The following CD244 variants were observed in gnomAD, a reference collection of about 807,000 sequenced individuals.
CD244 encodes natural killer cell receptor 2B4.
A neutral mutation model predicts 45.5 loss-of-function variants in CD244; 20 were observed. That is an observed-to-expected ratio of 0.44 (90% CI 0.31 to 0.64). The LOEUF (loss-of-function observed/expected upper bound fraction) is 0.64, where lower values mean the gene tolerates loss of function less well. Ranked by LOEUF, CD244 falls within the 30% of genes least tolerant of loss-of-function variation. The pLI, the probability that CD244 is intolerant of heterozygous loss-of-function variation, is 0.08. For missense variants in CD244, 407 were observed against 426.9 expected (o/e 0.95, Z 0.41); for synonymous variants, 185 against 160.5 (o/e 1.15, Z -1.15).
intron 1 of CD244, among the ~76,000 whole-genome samples, chr1:160,860,474 G>A (rs1243868751): frequency 6.6e-6 from 1 of 152,070 alleles, no homozygotes; most frequent in African/African-American, 2.4e-5. Context: ...ATATTCTTGG[G>A]ACAATTGGTA....
Position 160,841,668 on chromosome 1 carries a change from G to A in CD244, c.295C>T (p.Gln99Ter). The change falls in exon 2 of 9, where the codon CAG becomes TAG. Residue 99 changes from glutamine (Q) to a stop codon, truncating the protein, a stop_gained. Transcript: ENST00000368034. LOFTEE classifies it high-confidence loss of function. ...NLSLLIKAAQ[Q>*]QDSGLYCLEV... ...AGGCAGTAGAGGCCACTGTCCTGCT[G>A]CTGAGCTGCCTTGATGAGAAGACTC... The A allele has an allele frequency of 6.2e-7, 1 of 1,614,178 alleles. No individual in the cohort carries two copies. The highest frequency in any genetic ancestry group is 2.2e-5 in the East Asian group (1 of 44,888).
intron 3 of CD244, 44 bp downstream of exon 3, chr1:160,841,166 T>C (rs1669527547): frequency 6.3e-6 from 10 of 1,597,358 alleles, no homozygotes; most frequent in Non-Finnish European, 8.6e-6. Flanking sequence ...GGTTGCGGGG[T>C]CCAAACCTTC....
At chr1:160,835,168 G>A (rs1669287940) in intron 6 of CD244, among the ~76,000 whole-genome samples, 1 of 151,876 alleles carries the variant, frequency 6.6e-6, no homozygotes, top group African/African-American at 2.4e-5. Flanking sequence ...TGTTTCCCTT[G>A]GGAGAGATGT....
At chr1:160,836,320 G>A (rs1026827799) in intron 5 of CD244, 66 bp from the exon 6 acceptor site, 54 of 1,271,962 alleles carry the variant, frequency 4.2e-5, no homozygotes, top group Admixed American at 7.0e-5. Flanking sequence ...TAGATTGAGT[G>A]GGGAAAAACA....
chr1:160,854,125 G>A (rs1388779361), intron 1 of CD244, among the ~76,000 whole-genome samples: 2 of 152,124 alleles, frequency 1.3e-5, no homozygotes, highest in East Asian at 1.9e-4. Flanking sequence ...TGGGGTGATG[G>A]AACATGAGTT....
chr1:160,832,828 C>A, intron 7 of CD244: 2 of 511,452 alleles, frequency 3.9e-6, no homozygotes, highest in South Asian at 1.6e-5. Context: ...CTGTTCCATA[C>A]CCACATACAC....
chr1:160,831,640 T>TA (rs1451512782), intron 8 of CD244, among the ~76,000 whole-genome samples: 1 of 152,216 alleles, frequency 6.6e-6, no homozygotes, highest in Non-Finnish European at 1.5e-5. Flanking sequence ...CTTAACCACA[T>TA]ATGCTTTTTC....
In CD244 at chr1:160,841,462, G is replaced by A; in HGVS notation, c.403C>T (p.Gln135Ter). The A allele has an allele frequency of 6.2e-7, 1 of 1,614,018 alleles. No homozygotes were observed. ...CTGTCCAGGATCTTCCCCTGCCCCT[G>A]TAGGCGGGGTTTCTCAACTTTATCT... ...VFDKVEKPRL[Q>*]GQGKILDRGR... The change falls in exon 3 of 9, where the codon CAG becomes TAG. Residue 135 changes from glutamine to a stop codon, truncating the protein, a stop_gained. Coordinates refer to ENST00000368034, the MANE Select transcript of CD244 (RefSeq NM_016382.4). LOFTEE classifies it high-confidence loss of function.
In CD244 at chr1:160,862,852, G is replaced by A; in HGVS notation, c.-175C>T. The A allele has an allele frequency of 1.9e-6, 1 of 525,040 alleles. No individual in the cohort carries two copies. Among genetic ancestry groups the A allele is most frequent in the Non-Finnish European group, 3.4e-6 (1 of 297,046 alleles). The allele number at this position is 525,040 out of a possible 1,614,324, so 32.5% of individuals were successfully genotyped here. A position where few individuals can be genotyped will look rare whatever the true frequency, so the allele number is the denominator to read the frequency against. Reference sequence around the variant, plus strand: ...GTTAACGCCTGCTGTGAGCTGACAAGGCCACTGAGAAAGCCCCAGCGCCTG... The same window carrying A: ...GTTAACGCCTGCTGTGAGCTGACAAAGCCACTGAGAAAGCCCCAGCGCCTG... On this transcript the variant is annotated 5_prime_UTR_variant, in exon 1 of 9. Transcript: ENST00000368034.
intron 1 of CD244, among the ~76,000 whole-genome samples, chr1:160,847,571 T>A (rs1332104543): frequency 6.6e-6 from 1 of 152,072 alleles, no homozygotes; most frequent in African/African-American, 2.4e-5. Flanking sequence ...CTCTGAATGT[T>A]TAAAACATAA....
In CD244 at chr1:160,836,222, G is replaced by T. The variant is rs1251245304; in HGVS notation, c.867C>A (p.Ser289Arg). 6.2e-7 allele frequency: 1 copy of T among 1,613,800 alleles called. No individual in the cohort carries two copies. The highest frequency in any genetic ancestry group is 1.1e-5 in the South Asian group (1 of 91,062). The change falls in exon 6 of 9, where the codon AGC becomes AGA. Residue 289 changes from serine (S) to arginine (R), a missense_variant. By Grantham distance (110) the Ser-to-Arg change is moderately radical. Transcript: ENST00000368034. Reference protein sequence around the residue: ...EQEQTFPGGGSTIYSMIQSQS... With the variant: ...EQEQTFPGGGRTIYSMIQSQS... ...GGGACTGGATCATAGAGTAGATGGT[G>T]CTCCCCCCTCCAGGAAAAGTCTGCT...
At chr1:160,852,059 A>G (rs1669936745) in intron 1 of CD244, among the ~76,000 whole-genome samples, 1 of 152,234 alleles carries the variant, frequency 6.6e-6, no homozygotes, top group African/African-American at 2.4e-5. Flanking sequence ...AATTCCATCA[A>G]TAATAGACTG....
rs753407505 is a variant in CD244, at chr1:160,859,625, G to A, written c.61+2992C>T. 1.3e-4 allele frequency among the ~76,000 whole-genome samples: 20 copies of A among 150,516 alleles called. 1 individual carries two copies. Among genetic ancestry groups the A allele is most frequent in the Non-Finnish European group, 2.4e-4 (16 of 68,018 alleles). ...AAATAATTTTAAAAATGCATATGAT[G>A]GCTAGGCATGATGGCTCACACTTGT... On this transcript the variant is annotated intron_variant, in intron 1 of 8. Coordinates refer to ENST00000368034, the MANE Select transcript of CD244 (RefSeq NM_016382.4).
intron 1 of CD244, among the ~76,000 whole-genome samples, chr1:160,861,151 C>G (rs1314405647): frequency 6.6e-6 from 1 of 152,068 alleles, no homozygotes; most frequent in Non-Finnish European, 1.5e-5. Context: ...ATTCAAGGAT[C>G]CTTAGACCAG....
At position 160,852,834 on chromosome 1, in the gene CD244, C is replaced by T. The variant is rs1230111171; in HGVS notation, c.61+9783G>A. 4.6e-5 allele frequency among the ~76,000 whole-genome samples: 7 copies of T among 151,848 alleles called. 1 individual carries two copies. Among genetic ancestry groups the T allele is most frequent in the Admixed American group, 2.0e-4 (3 of 15,254 alleles). On this transcript the variant is annotated intron_variant, in intron 1 of 8. Transcript: ENST00000368034. ...GGTCAGGAGTTTGAGACCAGCCTGG[C>T]CAACATGGTGAAACCCCATCTCAAA...
intron 1 of CD244, among the ~76,000 whole-genome samples, chr1:160,849,439 C>T (rs1019417726): frequency 9.2e-5 from 14 of 151,982 alleles, no homozygotes; most frequent in Admixed American, 8.5e-4. Flanking sequence ...TGTCCTAATG[C>T]CTCCCTCCCC....
Position 160,841,739 on chromosome 1 carries a change from G to A in CD244, c.224C>T (p.Pro75Leu), listed in dbSNP as rs144670683. ...HILKWENGSLPSNTSNDRFSF... is the reference protein window; with the variant it reads ...HILKWENGSLLSNTSNDRFSF... ...GAATCTATCATTGGAAGTATTGGAAGGCAAAGAGCCATTCTCCCACTTCAA... is the reference window on the plus strand; with the variant it reads ...GAATCTATCATTGGAAGTATTGGAAAGCAAAGAGCCATTCTCCCACTTCAA... The change falls in exon 2 of 9, where the codon CCT (proline) becomes CTT (leucine). Residue 75 changes from proline to leucine, a missense_variant. Pro to Leu is a moderately conservative substitution (Grantham distance 98). Transcript: ENST00000368034. 2 of 1,614,210 alleles carry A rather than the reference G, an allele frequency of 1.2e-6. No individual in the cohort carries two copies. The highest frequency in any genetic ancestry group is 1.7e-6 in the Non-Finnish European group (2 of 1,180,036).
At chr1:160,836,319 T>A in intron 5 of CD244, 65 bp from the exon 6 acceptor site, 1 of 1,308,482 alleles carries the variant, frequency 7.6e-7, no homozygotes, top group African/African-American at 1.5e-5. Context: ...TTAGATTGAG[T>A]GGGGAAAAAC....
rs1003991136 is a variant in CD244 at position 160,862,868 on chromosome 1, C to T, written c.-191G>A. On this transcript the variant is annotated 5_prime_UTR_variant, in exon 1 of 9. Transcript: ENST00000368034. ...AGCTGACAAGGCCACTGAGAAAGCCCCAGCGCCTGGAGCTGGTCTGACAGT... is the reference window on the plus strand; with the variant it reads ...AGCTGACAAGGCCACTGAGAAAGCCTCAGCGCCTGGAGCTGGTCTGACAGT... 3.2e-4 allele frequency: 162 copies of T among 499,934 alleles called. No homozygotes were observed. The highest frequency in any genetic ancestry group is 1.1e-4 in the Non-Finnish European group (32 of 280,352). The allele number at this position is 499,934 out of a possible 1,614,324, so 31.0% of individuals were successfully genotyped here. A position where few individuals can be genotyped will look rare whatever the true frequency, so the allele number is the denominator to read the frequency against.
Sources: gnomAD v4.1 joint callset for allele counts (sites outside exome capture counted in the v4.1 genomes callset) on GRCh38, gnomAD v4.1.1 for gene constraint, MANE v1.5 for transcripts, NCBI Gene and HGNC (gene_info 2026-07-23, HGNC 2026-07-21) for gene names.